The following TAS2R1 variants were observed in gnomAD, a reference collection of about 807,000 sequenced individuals.
TAS2R1 encodes taste receptor type 2 member 1.
For missense variants in TAS2R1, 370 were observed against 353.4 expected (o/e 1.05, Z -0.38); for synonymous variants, 141 against 134.2 (o/e 1.05, Z -0.35).
chr5:9,721,356 T>G, the TAS2R1 span, among the ~76,000 whole-genome samples: 1 of 152,198 alleles, frequency 6.6e-6, no homozygotes. Context: ...CAGGTGGGTG[T>G]TCCCCGGTGC....
the TAS2R1 span, among the ~76,000 whole-genome samples, chr5:9,813,366 C>T: frequency 3.9e-3 from 593 of 152,258 alleles, 5 homozygotes; most frequent in African/African-American, 0.014. Context: ...TTACAGTAGC[C>T]CTTGCAAACT....
the TAS2R1 span, among the ~76,000 whole-genome samples, chr5:9,725,725 G>A: frequency 1.9e-4 from 27 of 140,810 alleles, no homozygotes; most frequent in South Asian, 2.8e-3. Flanking sequence ...CACACGGCAC[G>A]GGACTGGCAG....
chr5:9,787,395 C>G, the TAS2R1 span, among the ~76,000 whole-genome samples: 2 of 152,022 alleles, frequency 1.3e-5, no homozygotes, highest in African/African-American at 2.4e-5. Flanking sequence ...TCCATTTTTT[C>G]TTTGTACTTA....
At chr5:9,677,112 G>A (rs987983761) in intron 1 of TAS2R1, among the ~76,000 whole-genome samples, 13 of 152,162 alleles carry the variant, frequency 8.5e-5, no homozygotes, top group Non-Finnish European at 1.6e-4. Flanking sequence ...GTGGGAACAC[G>A]GATGGAGCTG....
chr5:9,633,301 TATATA>T (rs1348887449), upstream of TAS2R1, among the ~76,000 whole-genome samples: 1,794 of 114,986 alleles, frequency 0.016, 134 homozygotes, highest in African/African-American at 0.064. Flanking sequence ...ATATTATATA[TATATA>T]TATATATATA....
chr5:9,674,857 G>A (rs1045930297), intron 1 of TAS2R1, among the ~76,000 whole-genome samples: 1 of 151,856 alleles, frequency 6.6e-6, no homozygotes, highest in Non-Finnish European at 1.5e-5. Context: ...GTTCTAGCTG[G>A]TGCAATAATA....
At chr5:9,889,289 G>A in the TAS2R1 span, among the ~76,000 whole-genome samples, 1 of 152,146 alleles carries the variant, frequency 6.6e-6, no homozygotes, top group Non-Finnish European at 1.5e-5. Flanking sequence ...TGATGATGGA[G>A]GGACAGGTAC....
chr5:9,813,571 C>A, the TAS2R1 span, among the ~76,000 whole-genome samples: 1 of 152,126 alleles, frequency 6.6e-6, no homozygotes, highest in African/African-American at 2.4e-5. Flanking sequence ...CCCCTCTGGA[C>A]TGTTACAGAA....
At chr5:9,703,728 G>T (rs1741539611) in intron 1 of TAS2R1, among the ~76,000 whole-genome samples, 1 of 152,132 alleles carries the variant, frequency 6.6e-6, no homozygotes, top group Non-Finnish European at 1.5e-5. Context: ...CTCTCCATGT[G>T]AAGATTTGGA....
intron 1 of TAS2R1, among the ~76,000 whole-genome samples, chr5:9,699,390 C>T (rs1157085722): frequency 6.6e-6 from 1 of 152,122 alleles, no homozygotes; most frequent in Non-Finnish European, 1.5e-5. Flanking sequence ...TTTCTGACTT[C>T]GAAGGACGAT....
intron 1 of TAS2R1, among the ~76,000 whole-genome samples, chr5:9,691,902 T>C (rs953537415): frequency 6.6e-6 from 1 of 152,182 alleles, no homozygotes; most frequent in African/African-American, 2.4e-5. Flanking sequence ...CAGATCATAA[T>C]TTCCAGAAGG....
chr5:9,718,564 G>A, the TAS2R1 span, among the ~76,000 whole-genome samples: 1 of 152,132 alleles, frequency 6.6e-6, no homozygotes, highest in Non-Finnish European at 1.5e-5. Flanking sequence ...AAGACAGGAA[G>A]ACTGCTTGAG....
upstream of TAS2R1, among the ~76,000 whole-genome samples, chr5:9,633,293 A>T (rs913342363): frequency 3.2e-5 from 2 of 62,558 alleles, no homozygotes; most frequent in East Asian, 8.3e-4. Flanking sequence ...GTGTGTGTAT[A>T]TTATATATAT....
chr5:9,702,675 G>A (rs1197776923), intron 1 of TAS2R1, among the ~76,000 whole-genome samples: 1 of 152,172 alleles, frequency 6.6e-6, no homozygotes, highest in Non-Finnish European at 1.5e-5. Flanking sequence ...GATACAAATT[G>A]TTAATTGAAA....
chr5:9,864,349 C>A, the TAS2R1 span, among the ~76,000 whole-genome samples: 479 of 152,150 alleles, frequency 3.1e-3, 3 homozygotes, highest in African/African-American at 0.011. Flanking sequence ...GTAGCCTGGC[C>A]GGGTGCAGTG....
the TAS2R1 span, among the ~76,000 whole-genome samples, chr5:9,741,297 T>C: frequency 6.6e-6 from 1 of 151,996 alleles, no homozygotes; most frequent in Non-Finnish European, 1.5e-5. Context: ...GAGACAGAGA[T>C]CCAAAGAAAT....
chr5:9,830,605 G>GCACACACACACACA, the TAS2R1 span, among the ~76,000 whole-genome samples: 41 of 149,812 alleles, frequency 2.7e-4, no homozygotes, highest in African/African-American at 8.1e-4. Flanking sequence ...ACGTGCGCGC[G>GCACACACACACACA]CACACACACA....
chr5:9,887,530 A>C, the TAS2R1 span, among the ~76,000 whole-genome samples: 1 of 152,128 alleles, frequency 6.6e-6, no homozygotes, highest in Non-Finnish European at 1.5e-5. Flanking sequence ...TTTTTCTTTG[A>C]CATTCAACAC....
At chr5:9,902,897 AG>A in the TAS2R1 span, 3 of 151,976 alleles carry the variant, frequency 2.0e-5, no homozygotes, top group Non-Finnish European at 4.4e-5. Context: ...TGTCTTCAGC[AG>A]GTAGAAGGGA....
Sources: allele counts gnomAD v4.1 joint callset (sites outside exome capture counted in the v4.1 genomes callset), GRCh38; gene constraint gnomAD v4.1.1; transcripts MANE v1.5; gene names NCBI Gene and HGNC (gene_info 2026-07-23, HGNC 2026-07-21).